Variants in CPA6 observed in about 807,000 individuals in gnomAD.
The protein encoded by CPA6 is carboxypeptidase A6.
CPA6 carries 58 observed loss-of-function variants against 63.3 expected under a neutral mutation model. The ratio of observed to expected loss-of-function variants is 0.92; its 90% CI spans 0.74 to 1.14. The LOEUF is 1.14. Among genes scored for constraint, CPA6 ranks in the 50% most tolerant of loss-of-function variants. CPA6 has a pLI of 0.00. For synonymous variants in CPA6, 185 were observed against 179.0 expected (o/e 1.03, Z -0.27); for missense variants, 565 against 526.6 (o/e 1.07, Z -0.71).
At chr8:67,684,241 A>G (rs1450057905) in intron 1 of CPA6, among the ~76,000 whole-genome samples, 1 of 151,792 alleles carries the variant, frequency 6.6e-6, no homozygotes, top group African/African-American at 2.4e-5. Flanking sequence ...TTTCCTCACC[A>G]GATGATATTT....
intron 2 of CPA6, among the ~76,000 whole-genome samples, chr8:67,524,752 G>A (rs922958208): frequency 3.9e-5 from 6 of 151,972 alleles, no homozygotes; most frequent in African/African-American, 1.5e-4. Flanking sequence ...CTCTGTGACA[G>A]TAGGGACTGA....
chr8:67,688,966 CTAT>C, intron 1 of CPA6, among the ~76,000 whole-genome samples: 1 of 149,558 alleles, frequency 6.7e-6, no homozygotes, highest in African/African-American at 2.5e-5. Context: ...TGTTGTAATC[CTAT>C]TATTGTTATT....
intron 8 of CPA6, among the ~76,000 whole-genome samples, chr8:67,463,980 C>T (rs368300207): frequency 2.6e-5 from 4 of 152,138 alleles, no homozygotes; most frequent in South Asian, 2.1e-4. Flanking sequence ...AATGAACACG[C>T]GAGCGCATGT....
intron 6 of CPA6, among the ~76,000 whole-genome samples, chr8:67,493,769 G>A (rs185559479): frequency 1.3e-5 from 2 of 151,424 alleles, no homozygotes; most frequent in Non-Finnish European, 2.9e-5. Context: ...ATGTTTTATT[G>A]CTTTTCTTTT....
In CPA6 at chr8:67,600,899, C is replaced by A. The variant is rs199772444; in HGVS notation, c.192+23277G>T. On this transcript the variant is annotated intron_variant, in intron 2 of 10. Coordinates refer to ENST00000297770, the MANE Select transcript of CPA6 (RefSeq NM_020361.5). ...CAGAAGCTAAGATCGCAATATTAAT[C>A]AAATATTTTTATATAACTGAATAAG... Among the ~76,000 whole-genome samples the A allele has an allele frequency of 4.6e-5, 7 of 152,156 alleles. No individual in the cohort carries two copies. The East Asian group carries it at 1.3e-3, about 29-fold the overall frequency.
intron 2 of CPA6, among the ~76,000 whole-genome samples, chr8:67,542,813 G>C (rs1421827751): frequency 6.6e-6 from 1 of 152,168 alleles, no homozygotes; most frequent in Non-Finnish European, 1.5e-5. Context: ...TCTAGGCTCA[G>C]CTTGGCCACT....
chr8:67,485,789 A>G (rs1375226283), intron 6 of CPA6, among the ~76,000 whole-genome samples: 1 of 152,232 alleles, frequency 6.6e-6, no homozygotes, highest in Non-Finnish European at 1.5e-5. Flanking sequence ...TTATTAAATC[A>G]GTAAACACTC....
chr8:67,614,540 C>T (rs985604281), intron 2 of CPA6, among the ~76,000 whole-genome samples: 1 of 152,200 alleles, frequency 6.6e-6, no homozygotes, highest in Non-Finnish European at 1.5e-5. Flanking sequence ...TTCAGACCCA[C>T]ATGAAACTGG....
At chr8:67,488,360 T>C (rs1158967576) in intron 6 of CPA6, among the ~76,000 whole-genome samples, 2 of 152,166 alleles carry the variant, frequency 1.3e-5, no homozygotes, top group Non-Finnish European at 2.9e-5. Context: ...ATCAGATGGT[T>C]GTAGATGTGT....
intron 8 of CPA6, among the ~76,000 whole-genome samples, chr8:67,471,415 G>C (rs1811053705): frequency 6.6e-6 from 1 of 152,050 alleles, no homozygotes; most frequent in Non-Finnish European, 1.5e-5. Context: ...GATAACCTCT[G>C]AGGTGACAAC....
intron 2 of CPA6, among the ~76,000 whole-genome samples, chr8:67,604,061 C>G (rs1814564276): frequency 6.6e-6 from 1 of 152,174 alleles, no homozygotes; most frequent in Non-Finnish European, 1.5e-5. Context: ...AATATGTCAG[C>G]TGGTGATGGA....
intron 6 of CPA6, among the ~76,000 whole-genome samples, chr8:67,495,158 C>T (rs1233775393): frequency 1.4e-5 from 2 of 145,886 alleles, no homozygotes; most frequent in East Asian, 3.9e-4. Flanking sequence ...GGGTACTTTC[C>T]TTCAGACTAA....
At chr8:67,446,633 T>C (rs1376646708) in intron 8 of CPA6, among the ~76,000 whole-genome samples, 5 of 152,240 alleles carry the variant, frequency 3.3e-5, no homozygotes, top group African/African-American at 1.2e-4. Context: ...GACTTGACAG[T>C]TGCAGTTGAA....
intron 2 of CPA6, among the ~76,000 whole-genome samples, chr8:67,557,552 T>G (rs1813092207): frequency 6.6e-6 from 1 of 152,174 alleles, no homozygotes; most frequent in South Asian, 2.1e-4. Flanking sequence ...CTGTACAGCT[T>G]CAGAGAGATT....
intron 1 of CPA6, among the ~76,000 whole-genome samples, chr8:67,738,617 C>T (rs1027089346): frequency 4.6e-5 from 7 of 151,998 alleles, no homozygotes; most frequent in Non-Finnish European, 7.4e-5. Flanking sequence ...TTACTATTTT[C>T]GAAGTACACT....
Position 67,624,263 on chromosome 8 carries a change from G to A in CPA6, c.117-12C>T. The A allele has an allele frequency of 7.4e-7, 1 of 1,358,530 alleles. No homozygotes were observed. The highest frequency in any genetic ancestry group is 1.0e-6 in the Non-Finnish European group (1 of 962,586). The allele number at this position is 1,358,530 out of a possible 1,614,324, so 84.2% of individuals were successfully genotyped here. The stretch of plus-strand genomic sequence containing the variant: ...TTATCACTTTATCACTACAAGATAA[G>A]AAAAGAAAGATGATAATTACTTTTC... On this transcript the variant is annotated splice_polypyrimidine_tract_variant and intron_variant, in intron 1 of 10. Transcript: ENST00000297770.
At chr8:67,546,475 T>C (rs909106436) in intron 2 of CPA6, among the ~76,000 whole-genome samples, 4 of 152,264 alleles carry the variant, frequency 2.6e-5, no homozygotes, top group African/African-American at 9.6e-5. Context: ...AGTTATTTGC[T>C]GTTTCTTCCT....
intron 6 of CPA6, among the ~76,000 whole-genome samples, chr8:67,487,730 A>G (rs1460653840): frequency 1.3e-5 from 2 of 152,118 alleles, no homozygotes; most frequent in African/African-American, 4.8e-5. Flanking sequence ...TTGTTTCCTG[A>G]CTTTTTAATG....
Position 67,434,226 on chromosome 8 carries a change from T to A in CPA6, c.853A>T (p.Met285Leu), listed in dbSNP as rs371199710. The change falls in exon 9 of 11, where the codon ATG becomes TTG. Residue 285 changes from methionine (M) to leucine (L), a missense_variant. Physicochemically the swap from Met to Leu is conservative, Grantham distance 15. Coordinates refer to ENST00000297770, the MANE Select transcript of CPA6 (RefSeq NM_020361.5). ...CAGTATGTGTCATCACAAGGGTGCA[T>A]AGAAGCTCCTTCATCTGCAAGTCAG... is the stretch of plus-strand genomic sequence containing the variant. ...KVKWCDEGAS[M>L]HPCDDTYCGP... 1.9e-6 allele frequency: 3 copies of A among 1,613,752 alleles called. No homozygotes were observed. Among genetic ancestry groups the A allele is most frequent in the African/African-American group, 2.7e-5 (2 of 74,930 alleles).
Sources: allele counts gnomAD v4.1 joint callset (sites outside exome capture counted in the v4.1 genomes callset), GRCh38; gene constraint gnomAD v4.1.1; transcripts MANE v1.5; gene names NCBI Gene and HGNC (gene_info 2026-07-23, HGNC 2026-07-21).